Variants in SMIM35 observed in about 807,000 individuals in gnomAD.
SMIM35 encodes TMPRSS4 antisense RNA 1 (non-protein coding).
At chr11:118,050,567 C>T (rs1441316807) in intron 1 of SMIM35, among the ~76,000 whole-genome samples, 1 of 152,240 alleles carries the variant, frequency 6.6e-6, no homozygotes, top group African/African-American at 2.4e-5. Flanking sequence ...ACAACTGACA[C>T]ATACAAAGTG....
At chr11:118,059,674 T>G (rs1433217107) in intron 1 of SMIM35, 1 of 152,166 alleles carries the variant, frequency 6.6e-6, no homozygotes, top group East Asian at 1.9e-4. Flanking sequence ...TCCTTCAGTT[T>G]CAGCAGGTCT....
chr11:118,086,766 C>T lies in SMIM35; in HGVS notation c.-9G>A, dbSNP rs996551679. 6.5e-6 allele frequency: 1 copy of T among 152,786 alleles called. No individual in the cohort carries two copies. Among genetic ancestry groups the T allele is most frequent in the Non-Finnish European group, 1.5e-5 (1 of 68,114 alleles). 9.5% of individuals were successfully genotyped at this position (152,786 alleles called of 1,614,324 possible). A position where few individuals can be genotyped will look rare whatever the true frequency, so the allele number is the denominator to read the frequency against. ...CTCTCCTTACCTGTCATGGCTGAGA[C>T]ATCCAAGAGAGAGAGCCCTGTTGCC... is the stretch of plus-strand genomic sequence containing the variant. On this transcript the variant is annotated 5_prime_UTR_variant, in exon 1 of 5. It removes an upstream start codon present in the reference 5' UTR. Transcript: ENST00000689828.
intron 1 of SMIM35, among the ~76,000 whole-genome samples, chr11:118,021,386 T>G (rs1191080314): frequency 6.6e-6 from 1 of 152,174 alleles, no homozygotes; most frequent in Non-Finnish European, 1.5e-5. Flanking sequence ...AATCTGCTAT[T>G]AATCATCCTT....
At chr11:118,027,792 G>T (rs1301820945) in intron 1 of SMIM35, among the ~76,000 whole-genome samples, 1 of 152,192 alleles carries the variant, frequency 6.6e-6, no homozygotes, top group Non-Finnish European at 1.5e-5. Context: ...GACCACAAAG[G>T]TGTTTGAGAG....
intron 1 of SMIM35, among the ~76,000 whole-genome samples, chr11:118,053,853 A>C (rs900431283): frequency 6.6e-6 from 1 of 152,284 alleles, no homozygotes; most frequent in East Asian, 1.9e-4. Flanking sequence ...CAGAGAGGAA[A>C]AAGAGGAGTT....
chr11:118,031,606 T>C (rs1591286623), intron 1 of SMIM35, among the ~76,000 whole-genome samples: 2 of 152,072 alleles, frequency 1.3e-5, no homozygotes, highest in African/African-American at 4.8e-5. Flanking sequence ...CTGAATAAAA[T>C]AGAAACCATG....
chr11:118,051,595 C>A (rs78760381), intron 1 of SMIM35, among the ~76,000 whole-genome samples: 1 of 152,150 alleles, frequency 6.6e-6, no homozygotes, highest in African/African-American at 2.4e-5. Context: ...TAAACCCAGG[C>A]GAGAGCTCTC....
intron 1 of SMIM35, among the ~76,000 whole-genome samples, chr11:118,085,226 C>CTTT (rs67063759): frequency 0.26 from 37,370 of 141,532 alleles, 5,443 homozygotes; most frequent in East Asian, 0.5. Flanking sequence ...TCTTCTTCTT[C>CTTT]TTTTTTTTTT....
intron 1 of SMIM35, chr11:118,029,771 G>C: frequency 2.2e-6 from 1 of 457,268 alleles, no homozygotes; most frequent in Non-Finnish European, 4.4e-6. Context: ...CTTTCCCAGA[G>C]GTCTGAGGTC....
chr11:118,052,316 A>G (rs7933728), intron 1 of SMIM35, among the ~76,000 whole-genome samples: 95,859 of 151,714 alleles, frequency 0.63, 30,367 homozygotes, highest in Admixed American at 0.69. Context: ...GAGAGGCAGG[A>G]GTGAGAGGGA....
intron 1 of SMIM35, among the ~76,000 whole-genome samples, chr11:118,078,736 C>A (rs2135183356): frequency 6.6e-6 from 1 of 152,270 alleles, no homozygotes; most frequent in South Asian, 2.1e-4. Flanking sequence ...ATTTCTAGGG[C>A]AGGTCACTAA....
Position 118,018,467 on chromosome 11 carries a change from A to T in SMIM35, c.8-2658T>A, listed in dbSNP as rs2058201056. Among the ~76,000 whole-genome samples the T allele has an allele frequency of 2.0e-5, 3 of 152,206 alleles. No individual in the cohort carries two copies. In the South Asian group the frequency reaches 6.2e-4, roughly 32 times the overall value. ...AACTAAGAGGCCAAGGTCAAAGAAG[A>T]TCATCTCTGTGGATGACAGAGAGAG... On this transcript the variant is annotated intron_variant, in intron 1 of 4. Coordinates refer to ENST00000689828, the MANE Select transcript of SMIM35 (RefSeq NM_001394165.1).
At chr11:118,023,802 G>A (rs903127841) in intron 1 of SMIM35, among the ~76,000 whole-genome samples, 1 of 152,148 alleles carries the variant, frequency 6.6e-6, no homozygotes, top group African/African-American at 2.4e-5. Context: ...GGAGGCCAAG[G>A]TGGATGGATC....
At chr11:118,078,547 C>A (rs114244835) in intron 1 of SMIM35, among the ~76,000 whole-genome samples, 1,861 of 152,306 alleles carry the variant, frequency 0.012, 31 homozygotes, top group African/African-American at 0.041. Flanking sequence ...CACAAGCTTC[C>A]TGCTTTCCCA....
intron 1 of SMIM35, among the ~76,000 whole-genome samples, chr11:118,070,860 T>G (rs769624615): frequency 5.3e-5 from 8 of 152,036 alleles, no homozygotes; most frequent in Non-Finnish European, 1.2e-4. Context: ...GAAGCCAGTG[T>G]AGGCCCCCTC....
chr11:118,020,316 A>C (rs1373718014), intron 1 of SMIM35, among the ~76,000 whole-genome samples: 1 of 152,166 alleles, frequency 6.6e-6, no homozygotes, highest in Non-Finnish European at 1.5e-5. Context: ...ATAGCTGGTA[A>C]AATAAACGCT....
At chr11:118,036,987 CTGGTTGGGTGTGAGCTAAGTTG>C (rs2058364198) in intron 1 of SMIM35, among the ~76,000 whole-genome samples, 1 of 152,108 alleles carries the variant, frequency 6.6e-6, no homozygotes, top group East Asian at 1.9e-4. Context: ...GCTCTCCTTA[CTGGTTGGGTGTGAGCTAAGTTG>C]CAAGCCCCAT....
chr11:118,014,872 T>C, intron 2 of SMIM35, 131 bp from the exon 3 acceptor site: 1 of 396,756 alleles, frequency 2.5e-6, no homozygotes, highest in South Asian at 1.4e-4. Context: ...CTCAGGATGG[T>C]GTGGGAGCAT....
Position 118,067,826 on chromosome 11 carries a change from C to G in SMIM35, c.7+18925G>C, listed in dbSNP as rs866448862. On this transcript the variant is annotated intron_variant, in intron 1 of 4. Transcript: ENST00000689828. The stretch of plus-strand genomic sequence containing the variant: ...CAGCTTGGGCAACAGGAGTGAAACT[C>G]CATCTCAAAAAACAACCACAAAACA... Among the ~76,000 whole-genome samples the G allele has an allele frequency of 6.1e-4, 85 of 138,366 alleles. No homozygotes were observed. The Middle Eastern group carries it at 0.02, about 33-fold the overall frequency. 90.8% of individuals were successfully genotyped at this position (138,366 alleles called of 152,430 possible). A position where few individuals can be genotyped will look rare whatever the true frequency, so the allele number is the denominator to read the frequency against.
Sources: gnomAD v4.1 joint callset for allele counts (sites outside exome capture counted in the v4.1 genomes callset) on GRCh38, gnomAD v4.1.1 for gene constraint, MANE v1.5 for transcripts, NCBI Gene and HGNC (gene_info 2026-07-23, HGNC 2026-07-21) for gene names.